TMTC2: variants seen among roughly 807,000 people sequenced by gnomAD.
The protein encoded by TMTC2 is protein O-mannosyl-transferase TMTC2.
TMTC2 carries 43 observed loss-of-function variants against 82.4 expected under a neutral mutation model. That is an observed-to-expected ratio of 0.52 (90% CI 0.41 to 0.67). TMTC2 has a LOEUF of 0.67. Ranked by LOEUF, TMTC2 falls within the 30% of genes least tolerant of loss-of-function variation. The probability of loss-of-function intolerance (pLI) is 0.00; values close to 1 mark genes in which losing one functional copy is unlikely to be tolerated. For synonymous variants in TMTC2, 408 were observed against 381.9 expected (o/e 1.07, Z -0.80); for missense variants, 919 against 1,012.4 (o/e 0.91, Z 1.25).
chr12:82,990,305 T>G (rs1036358241), intron 8 of TMTC2, among the ~76,000 whole-genome samples: 1 of 152,188 alleles, frequency 6.6e-6, no homozygotes, highest in Non-Finnish European at 1.5e-5. Flanking sequence ...AAATATTGAT[T>G]ATTAGTACTT....
intron 2 of TMTC2, among the ~76,000 whole-genome samples, chr12:82,859,806 C>G (rs1176059810): frequency 5.9e-5 from 9 of 152,144 alleles, no homozygotes; most frequent in African/African-American, 2.2e-4. Flanking sequence ...CTCTTGGCGA[C>G]CACCACTTGC....
At chr12:82,937,126 T>C (rs1225683908) in intron 4 of TMTC2, among the ~76,000 whole-genome samples, 1 of 152,184 alleles carries the variant, frequency 6.6e-6, no homozygotes, top group African/African-American at 2.4e-5. Context: ...ACTCCTGTAT[T>C]TGTTGTTTCC....
intron 1 of TMTC2, among the ~76,000 whole-genome samples, chr12:82,840,926 C>A (rs906836264): frequency 1.3e-5 from 2 of 152,058 alleles, no homozygotes; most frequent in Admixed American, 6.6e-5. Flanking sequence ...ATTACAGGTG[C>A]CTGCCACCAT....
chr12:82,875,484 T>A (rs1307520992), intron 2 of TMTC2, among the ~76,000 whole-genome samples: 1 of 152,152 alleles, frequency 6.6e-6, no homozygotes, highest in Non-Finnish European at 1.5e-5. Flanking sequence ...TACTCCATAT[T>A]GTATCAGGTA....
chr12:83,093,099 G>A lies in TMTC2; in HGVS notation c.2331+31268G>A, dbSNP rs377303478. On this transcript the variant is annotated intron_variant, in intron 11 of 11. Transcript: ENST00000321196. ...CCATTCAGGACATTACTCTGTGTGT[G>A]TGTGCATGCACATGTATGTGCATGC... 9.9e-5 allele frequency among the ~76,000 whole-genome samples: 15 copies of A among 152,226 alleles called. No homozygotes were observed. The East Asian group carries it at 1.4e-3, about 14-fold the overall frequency.
At chr12:82,864,604 C>T (rs574533901) in intron 2 of TMTC2, among the ~76,000 whole-genome samples, 5 of 149,242 alleles carry the variant, frequency 3.4e-5, no homozygotes, top group South Asian at 4.2e-4. Flanking sequence ...CGGGTTCCAG[C>T]GATTCACCTA....
chr12:82,736,813 TG>T (rs1170723481), intron 1 of TMTC2, among the ~76,000 whole-genome samples: 1 of 152,174 alleles, frequency 6.6e-6, no homozygotes, highest in East Asian at 1.9e-4. Context: ...AGGAAAATAT[TG>T]GAAGCTTCTA....
At chr12:82,796,178 A>G in intron 1 of TMTC2, among the ~76,000 whole-genome samples, 1 of 151,982 alleles carries the variant, frequency 6.6e-6, no homozygotes, top group East Asian at 1.9e-4. Flanking sequence ...TTTTGGGAGG[A>G]GACTATTTGT....
chr12:82,913,054 G>A (rs534547102), intron 3 of TMTC2, among the ~76,000 whole-genome samples: 47 of 151,778 alleles, frequency 3.1e-4, no homozygotes, highest in African/African-American at 1.0e-3. Context: ...AGTATATTAC[G>A]ATTACTGTAC....
At chr12:83,073,054 T>G (rs1883170637) in intron 11 of TMTC2, among the ~76,000 whole-genome samples, 1 of 152,006 alleles carries the variant, frequency 6.6e-6, no homozygotes, top group Admixed American at 6.5e-5. Context: ...CTTTGGTTTT[T>G]TTTTTATTTT....
chr12:82,795,309 C>T (rs1878664620), intron 1 of TMTC2, among the ~76,000 whole-genome samples: 2 of 100,626 alleles, frequency 2.0e-5, no homozygotes, highest in African/African-American at 7.4e-5. Flanking sequence ...GAGATTCCAT[C>T]TCAAAAAAAA....
chr12:83,021,501 G>T (rs536286942), intron 8 of TMTC2, among the ~76,000 whole-genome samples: 1 of 152,068 alleles, frequency 6.6e-6, no homozygotes, highest in East Asian at 1.9e-4. Flanking sequence ...AAGCTGAGTC[G>T]GGAGGGTCAC....
chr12:82,984,917 C>T (rs1490714684), intron 7 of TMTC2, among the ~76,000 whole-genome samples: 2 of 151,958 alleles, frequency 1.3e-5, no homozygotes, highest in Non-Finnish European at 2.9e-5. Context: ...AGTAATGACT[C>T]GTGGCCAAAA....
At chr12:83,032,575 AC>A (rs2137425931) in intron 9 of TMTC2, among the ~76,000 whole-genome samples, 1 of 151,842 alleles carries the variant, frequency 6.6e-6, no homozygotes, top group African/African-American at 2.4e-5. Context: ...ATGGAATTTC[AC>A]TCTTGCTGCC....
chr12:83,058,719 G>A (rs778329807), intron 10 of TMTC2, among the ~76,000 whole-genome samples: 8 of 151,966 alleles, frequency 5.3e-5, no homozygotes, highest in Non-Finnish European at 1.0e-4. Flanking sequence ...TCCTGGCTTT[G>A]TAAAGTGTGT....
At chr12:82,785,881 C>T (rs973601848) in intron 1 of TMTC2, among the ~76,000 whole-genome samples, 1 of 152,086 alleles carries the variant, frequency 6.6e-6, no homozygotes, top group African/African-American at 2.4e-5. Context: ...GGGTAAAAGG[C>T]ACTGGGTAGA....
chr12:82,775,754 A>C (rs11115414), intron 1 of TMTC2, among the ~76,000 whole-genome samples: 15,571 of 152,106 alleles, frequency 0.1, 960 homozygotes, highest in Middle Eastern at 0.2. Context: ...AATGATGCTC[A>C]TATTTCTTCC....
intron 2 of TMTC2, among the ~76,000 whole-genome samples, chr12:82,863,404 T>G (rs2137123906): frequency 6.6e-6 from 1 of 152,290 alleles, no homozygotes; most frequent in East Asian, 1.9e-4. Context: ...TACGAATGAA[T>G]TTGGATTTCC....
chr12:82,839,976 G>A (rs1010017203), intron 1 of TMTC2, among the ~76,000 whole-genome samples: 1 of 152,148 alleles, frequency 6.6e-6, no homozygotes, highest in African/African-American at 2.4e-5. Flanking sequence ...TGGGTGCAGC[G>A]TGGGAGAGAG....
Sources: gnomAD v4.1 joint callset for allele counts (sites outside exome capture counted in the v4.1 genomes callset) on GRCh38, gnomAD v4.1.1 for gene constraint, MANE v1.5 for transcripts, NCBI Gene and HGNC (gene_info 2026-07-23, HGNC 2026-07-21) for gene names.